BPTF: variants seen among roughly 807,000 people sequenced by gnomAD.
The protein encoded by BPTF is bromodomain PHD finger transcription factor.
In BPTF, 18 loss-of-function variants were observed where a neutral mutation model predicts 292.5. That is an observed-to-expected ratio of 0.06 (90% CI 0.04 to 0.09). The LOEUF (loss-of-function observed/expected upper bound fraction) is 0.09, where lower values mean the gene tolerates loss of function less well. BPTF is among the 10% of genes least tolerant of loss of function. BPTF has a pLI of 1.00. For missense variants in BPTF, 2,726 were observed against 3,498.7 expected, an observed-to-expected ratio of 0.78 and a Z score of 5.57; for synonymous variants, 1,225 against 1,251.9, an observed-to-expected ratio of 0.98 and a Z score of 0.45.
intron 27 of BPTF, chr17:67,981,395 A>G (rs1555696577): frequency 2.2e-6 from 2 of 927,274 alleles, no homozygotes; most frequent in Non-Finnish European, 2.8e-6. Context: ...CTTTGTTATA[A>G]TTCATCATTT....
intron 25 of BPTF, among the ~76,000 whole-genome samples, chr17:67,964,739 G>C (rs182911727): frequency 6.6e-6 from 1 of 152,196 alleles, no homozygotes; most frequent in East Asian, 1.9e-4. Flanking sequence ...GGTGGCTCAT[G>C]CCTGTAATCC....
In BPTF at chr17:67,912,815, T is replaced by C. The variant is rs768157442; in HGVS notation, c.4931T>C (p.Val1644Ala). The C allele has an allele frequency of 4.3e-6, 7 of 1,614,132 alleles. No individual in the cohort carries two copies. The highest frequency in any genetic ancestry group is 5.9e-6 in the Non-Finnish European group (7 of 1,180,008). ...TCCACACCCTCCACAGGCGGCAGTG[T>C]GGACATCATCTCTGTAAAGGAGCAG... The part of the protein sequence containing the change: ...KLSTPSTGGS[V>A]DIISVKEQSK... Residue 1644 changes from valine to alanine, a missense_variant, in exon 11 of 28, where the codon GTG (valine) becomes GCG (alanine). Physicochemically the swap from Val to Ala is moderately conservative, Grantham distance 64. This residue lies in a region of BPTF where 144 missense variants were observed against 177.2 expected (regional missense o/e 0.81). Coordinates refer to ENST00000306378, the MANE Select transcript of BPTF (RefSeq NM_182641.4).
intron 1 of BPTF, among the ~76,000 whole-genome samples, chr17:67,829,010 T>C (rs568320289): frequency 2.6e-5 from 4 of 152,232 alleles, no homozygotes; most frequent in Admixed American, 6.5e-5. Context: ...TAAGAACTTG[T>C]AATAGATGAA....
intron 3 of BPTF, among the ~76,000 whole-genome samples, chr17:67,869,217 A>G (rs990664457): frequency 2.1e-4 from 32 of 152,198 alleles, no homozygotes; most frequent in African/African-American, 6.5e-4. Flanking sequence ...TAGTCCTCTA[A>G]AAGGCAATGT....
chr17:67,911,768 C>T lies in BPTF; in HGVS notation c.3884C>T (p.Thr1295Ile). The change falls in exon 11 of 28, where the codon ACC becomes ATC. Residue 1295 changes from threonine (T) to isoleucine (I), a missense_variant. Around this residue, in one of 22 missense-constraint regions of BPTF, gnomAD observed 713 missense variants for 714.9 expected, o/e 1.00. Coordinates refer to ENST00000306378, the MANE Select transcript of BPTF (RefSeq NM_182641.4). ...SNSTLENSSD[T>I]VSIQDSSEED... ...AGCACTTTGGAAAATAGTTCTGATA[C>T]CGTGTCTATTCAGGATAGCAGTGAA... 6.2e-7 allele frequency: 1 copy of T among 1,614,106 alleles called. No individual in the cohort carries two copies. Among genetic ancestry groups the T allele is most frequent in the Non-Finnish European group, 8.5e-7 (1 of 1,180,012 alleles).
intron 3 of BPTF, among the ~76,000 whole-genome samples, chr17:67,870,727 TTGACTTGA>T (rs2059667794): frequency 6.9e-6 from 1 of 145,854 alleles, no homozygotes; most frequent in Admixed American, 6.9e-5. Flanking sequence ...TCTGATGACT[TTGACTTGA>T]TGTTAACCTC....
At chr17:67,899,133 A>G (rs1471367050) in intron 7 of BPTF, among the ~76,000 whole-genome samples, 1 of 152,188 alleles carries the variant, frequency 6.6e-6, no homozygotes, top group Non-Finnish European at 1.5e-5. Context: ...CAAGAGGAAC[A>G]ACAGAAAATA....
chr17:67,928,287 C>A (rs1284910786), intron 15 of BPTF, 68 bp from the exon 16 acceptor site: 4 of 1,483,418 alleles, frequency 2.7e-6, no homozygotes, highest in Non-Finnish European at 2.7e-6. Context: ...GGACAGACTT[C>A]TTGTAGAATG....
intron 19 of BPTF, among the ~76,000 whole-genome samples, chr17:67,941,075 T>G (rs1285804814): frequency 6.6e-6 from 1 of 152,258 alleles, no homozygotes; most frequent in Non-Finnish European, 1.5e-5. Flanking sequence ...ACTGAAAGTT[T>G]ATATGGAGGT....
In BPTF at chr17:67,979,074, T is replaced by A. The variant is rs1302491545; in HGVS notation, c.8726+3116T>A. ...CTGTGGTCCCAGCTGCTTCAGAGGC[T>A]GAGGTGGGAGGATTGAGCCCATGAG... On this transcript the variant is annotated intron_variant, in intron 27 of 27. Transcript: ENST00000306378. Among the ~76,000 whole-genome samples the A allele has an allele frequency of 1.3e-4, 18 of 143,454 alleles. No individual in the cohort carries two copies. In the East Asian group the frequency reaches 1.7e-3, roughly 13 times the overall value. 94.1% of individuals were successfully genotyped at this position (143,454 alleles called of 152,430 possible). A position where few individuals can be genotyped will look rare whatever the true frequency, so the allele number is the denominator to read the frequency against.
chr17:67,941,289 A>C (rs1345837116), intron 19 of BPTF, among the ~76,000 whole-genome samples: 3 of 152,078 alleles, frequency 2.0e-5, no homozygotes, highest in African/African-American at 7.2e-5. Context: ...CATCTCTGCT[A>C]AAAGTACAAA....
At chr17:67,975,647 G>A in intron 26 of BPTF, 125 bp from the exon 27 acceptor site, 2 of 743,294 alleles carry the variant, frequency 2.7e-6, no homozygotes, top group Non-Finnish European at 2.0e-6. Context: ...TAACCTCCAG[G>A]GTGAACCAGC....
At position 67,825,978 on chromosome 17, in the gene BPTF, C is replaced by A. The variant is rs747297847; in HGVS notation, c.254C>A (p.Pro85His). ...CCGCCGCCGCCGCCGCCGGCCCCCC[C>A]CAGCACCAGCGCCCCGGGCCGGGGG... ...RKPPPPPPAP[P>H]STSAPGRGGR... Residue 85 changes from proline to histidine, a missense_variant, in exon 1 of 28, where the codon CCC (proline) becomes CAC (histidine). Physicochemically the swap from Pro to His is moderately conservative, Grantham distance 77 (BLOSUM62 -2). Coordinates refer to ENST00000306378, the MANE Select transcript of BPTF (RefSeq NM_182641.4). The A allele has an allele frequency of 2.8e-6, 3 of 1,067,424 alleles. No homozygotes were observed. The highest frequency in any genetic ancestry group is 6.4e-5 in the East Asian group (1 of 15,678). 66.1% of individuals were successfully genotyped at this position (1,067,424 alleles called of 1,614,324 possible).
At chr17:67,922,694 A>G (rs1325498053) in intron 13 of BPTF, 146 bp from the exon 14 acceptor site, 2 of 823,410 alleles carry the variant, frequency 2.4e-6, no homozygotes, top group Non-Finnish European at 3.7e-6. Context: ...TGCTTTCATG[A>G]TACAAAGGCA....
In BPTF at chr17:67,983,173, G is replaced by A. The variant is rs1302989230; in HGVS notation, c.*885G>A. ...CCCACAGACAGAGGTGTCTTTGAAT[G>A]TGCGCTAATGATTATCTGTAAGCCT... On this transcript the variant is annotated 3_prime_UTR_variant, in exon 28 of 28. Transcript: ENST00000306378. 2.0e-5 allele frequency: 3 copies of A among 152,600 alleles called. No individual in the cohort carries two copies. Among genetic ancestry groups the A allele is most frequent in the African/African-American group, 7.2e-5 (3 of 41,440 alleles). 9.5% of individuals were successfully genotyped at this position (152,600 alleles called of 1,614,324 possible).
chr17:67,914,250 C>T (rs1265494091), intron 11 of BPTF, among the ~76,000 whole-genome samples: 1 of 151,574 alleles, frequency 6.6e-6, no homozygotes, highest in Non-Finnish European at 1.5e-5. Context: ...ATATTAATTA[C>T]AATCAGCTAG....
At chr17:67,967,701 C>CATTA (rs2068279002) in intron 26 of BPTF, among the ~76,000 whole-genome samples, 1 of 151,936 alleles carries the variant, frequency 6.6e-6, no homozygotes, top group Non-Finnish European at 1.5e-5. Context: ...CATTTGTAAT[C>CATTA]CCAGCTGCTA....
intron 27 of BPTF, among the ~76,000 whole-genome samples, chr17:67,978,301 TA>T (rs1366892215): frequency 3.7e-3 from 154 of 41,960 alleles, no homozygotes; most frequent in South Asian, 0.023. Context: ...TATATATATA[TA>T]TATATATTTT....
intron 7 of BPTF, among the ~76,000 whole-genome samples, chr17:67,901,741 T>C (rs1226554679): frequency 6.6e-6 from 1 of 152,232 alleles, no homozygotes; most frequent in Non-Finnish European, 1.5e-5. Flanking sequence ...AGAAGTTCAA[T>C]ACTAACTCAG....
Sources: allele counts gnomAD v4.1 joint callset (sites outside exome capture counted in the v4.1 genomes callset), GRCh38; gene constraint gnomAD v4.1.1; regional missense constraint gnomAD v4.1.1; transcripts MANE v1.5; gene names NCBI Gene and HGNC (gene_info 2026-07-23, HGNC 2026-07-21).